NDST4: variants seen among roughly 807,000 people sequenced by gnomAD.
NDST4 encodes the protein N-heparan sulfate sulfotransferase 4.
Under a neutral mutation model 100.8 loss-of-function variants are expected in NDST4, and 63 were observed. The ratio of observed to expected loss-of-function variants is 0.62; its 90% CI spans 0.51 to 0.77. The LOEUF is 0.77. Among genes scored for constraint, NDST4 ranks in the 30% least tolerant of loss-of-function variants. NDST4 has a pLI of 0.00. For missense variants in NDST4, 943 were observed against 1,018.4 expected (o/e 0.93, Z 1.01); for synonymous variants, 377 against 361.8 (o/e 1.04, Z -0.48).
chr4:115,081,267 T>G (rs1729297249), intron 1 of NDST4, among the ~76,000 whole-genome samples: 1 of 152,032 alleles, frequency 6.6e-6, no homozygotes, highest in Admixed American at 6.6e-5. Flanking sequence ...ACTAAAGGAG[T>G]TATCCTTCCC....
At chr4:115,047,044 A>C (rs1483305880) in intron 2 of NDST4, among the ~76,000 whole-genome samples, 2 of 152,144 alleles carry the variant, frequency 1.3e-5, no homozygotes, top group Non-Finnish European at 2.9e-5. Context: ...ATATTTCCCA[A>C]GACTTCTAAA....
Position 114,844,557 on chromosome 4 carries a change from A to C in NDST4, c.2115+1266T>G, listed in dbSNP as rs80059212. ...CTCAGGGAATATCTACTTGTCCTTC[A>C]GTTTTAGGTCTTAATTTATTTTCTT... On this transcript the variant is annotated intron_variant, in intron 10 of 13. Transcript: ENST00000264363. Among the ~76,000 whole-genome samples, 1,012 of 152,270 alleles carry C rather than the reference A, an allele frequency of 6.6e-3. 9 individuals are homozygous for C. Among genetic ancestry groups the C allele is most frequent in the African/African-American group, 0.023 (967 of 41,546 alleles).
intron 6 of NDST4, among the ~76,000 whole-genome samples, chr4:114,906,631 T>C (rs866519865): frequency 4.6e-5 from 7 of 152,010 alleles, no homozygotes; most frequent in South Asian, 2.1e-4. Context: ...CCATCTTTTT[T>C]ACCTCTCTGG....
intron 2 of NDST4, among the ~76,000 whole-genome samples, chr4:115,001,415 C>T (rs1003741057): frequency 2.0e-5 from 3 of 151,810 alleles, no homozygotes; most frequent in African/African-American, 7.3e-5. Context: ...CATTAGTTTC[C>T]CCACCTAGAC....
intron 6 of NDST4, among the ~76,000 whole-genome samples, chr4:114,928,188 A>G (rs1725423971): frequency 6.6e-6 from 1 of 152,204 alleles, no homozygotes; most frequent in Non-Finnish European, 1.5e-5. Context: ...ACTCTGACAA[A>G]GAATTAAATG....
At chr4:115,096,123 T>G (rs556470296) in intron 1 of NDST4, among the ~76,000 whole-genome samples, 1 of 150,934 alleles carries the variant, frequency 6.6e-6, no homozygotes, top group Admixed American at 6.6e-5. Flanking sequence ...TGATGTACAT[T>G]TTTTAAAACA....
intron 1 of NDST4, among the ~76,000 whole-genome samples, chr4:115,079,812 C>T (rs770546410): frequency 3.3e-5 from 5 of 151,984 alleles, no homozygotes; most frequent in Admixed American, 2.0e-4. Context: ...AAAATTATGT[C>T]GCTACTTTTC....
At chr4:114,875,799 T>C (rs1560790312) in intron 6 of NDST4, among the ~76,000 whole-genome samples, 2 of 152,178 alleles carry the variant, frequency 1.3e-5, no homozygotes, top group Admixed American at 6.5e-5. Context: ...AGCATTACTC[T>C]CCAGGTTGAG....
intron 6 of NDST4, among the ~76,000 whole-genome samples, chr4:114,899,084 A>G (rs1005631033): frequency 6.6e-6 from 1 of 152,108 alleles, no homozygotes; most frequent in African/African-American, 2.4e-5. Context: ...GAGATGGGAC[A>G]TCCTTGCCTT....
intron 2 of NDST4, among the ~76,000 whole-genome samples, chr4:114,999,688 T>C (rs1301208966): frequency 2.0e-5 from 3 of 152,098 alleles, no homozygotes; most frequent in African/African-American, 7.2e-5. Context: ...TTCCTTCCTT[T>C]TATTTTCTTG....
At chr4:115,111,013 C>G (rs1328520465) in intron 1 of NDST4, among the ~76,000 whole-genome samples, 2 of 151,984 alleles carry the variant, frequency 1.3e-5, no homozygotes, top group African/African-American at 4.8e-5. Flanking sequence ...GGGAAGGCAG[C>G]ACCAGCCAGA....
chr4:114,933,306 A>G lies in NDST4; in HGVS notation c.1536+1900T>C, dbSNP rs778591327. On this transcript the variant is annotated intron_variant, in intron 6 of 13. Coordinates refer to ENST00000264363, the MANE Select transcript of NDST4 (RefSeq NM_022569.3). Reference sequence around the variant, plus strand: ...CAAAATTAGACCTTTATCTCACACCATATTTAAAAATCAACTCAAAATGGA... The same window carrying G: ...CAAAATTAGACCTTTATCTCACACCGTATTTAAAAATCAACTCAAAATGGA... Among the ~76,000 whole-genome samples the G allele has an allele frequency of 1.6e-4, 24 of 152,138 alleles. 1 individual carries two copies. Among genetic ancestry groups the G allele is most frequent in the Non-Finnish European group, 2.9e-4 (20 of 67,974 alleles).
rs1578395138 is a variant in NDST4, at chr4:114,929,136, C to CTATT, written c.1536+6069_1536+6070insAATA. Among the ~76,000 whole-genome samples, 11 of 151,488 alleles carry CTATT rather than the reference C, an allele frequency of 7.3e-5. No individual in the cohort carries two copies. In the East Asian group the frequency reaches 2.2e-3, roughly 30 times the overall value. On this transcript the variant is annotated intron_variant, in intron 6 of 13. Transcript: ENST00000264363. ...TCCATCTATCTATCTATCTATCTAT[C>CTATT]TATCTATCTATCTATCTATCTATCT...
At chr4:114,919,436 G>A (rs564320933) in intron 6 of NDST4, among the ~76,000 whole-genome samples, 1 of 152,308 alleles carries the variant, frequency 6.6e-6, no homozygotes, top group Non-Finnish European at 1.5e-5. Flanking sequence ...GGCATGAAAG[G>A]CAGAAGAAAT....
intron 6 of NDST4, among the ~76,000 whole-genome samples, chr4:114,880,146 T>C (rs994057479): frequency 6.6e-6 from 1 of 152,192 alleles, no homozygotes; most frequent in African/African-American, 2.4e-5. Context: ...GCAGGTGCTT[T>C]ACTCTCTATT....
intron 7 of NDST4, among the ~76,000 whole-genome samples, chr4:114,866,805 A>G (rs10004337): frequency 1.3e-5 from 2 of 152,136 alleles, no homozygotes; most frequent in African/African-American, 4.8e-5. Context: ...ACAAGCAGTT[A>G]TTGTGGCTTA....
intron 13 of NDST4, 66 bp from the exon 14 acceptor site, chr4:114,828,001 A>G (rs1723118941): frequency 1.4e-6 from 2 of 1,451,538 alleles, no homozygotes; most frequent in Non-Finnish European, 1.9e-6. Context: ...ATTGTAATCT[A>G]TATTTCTTAA....
intron 2 of NDST4, among the ~76,000 whole-genome samples, chr4:115,059,005 G>C (rs905840310): frequency 7.1e-6 from 1 of 140,674 alleles, no homozygotes; most frequent in Non-Finnish European, 1.5e-5. Context: ...ACACACACAC[G>C]CTCAAAATTA....
intron 2 of NDST4, among the ~76,000 whole-genome samples, chr4:114,991,982 A>G (rs1727049474): frequency 6.6e-6 from 1 of 151,940 alleles, no homozygotes; most frequent in African/African-American, 2.4e-5. Flanking sequence ...TTTAAAGTAT[A>G]TAATCAGTAT....
Sources: allele counts gnomAD v4.1 joint callset (sites outside exome capture counted in the v4.1 genomes callset), GRCh38; gene constraint gnomAD v4.1.1; transcripts MANE v1.5; gene names NCBI Gene and HGNC (gene_info 2026-07-23, HGNC 2026-07-21).